Variants in PTPRN2 observed in about 807,000 individuals in gnomAD.
The protein encoded by PTPRN2 is receptor-type tyrosine-protein phosphatase N2.
PTPRN2 carries 74 observed loss-of-function variants against 118.8 expected under a neutral mutation model. The ratio of observed to expected loss-of-function variants is 0.62; its 90% CI spans 0.52 to 0.76. The LOEUF (loss-of-function observed/expected upper bound fraction) is 0.76. Among genes scored for constraint, PTPRN2 ranks in the 30% least tolerant of loss-of-function variants. PTPRN2 has a pLI of 0.00. For synonymous variants in PTPRN2, 641 were observed against 608.0 expected (o/e 1.05, Z -0.80); for missense variants, 1,481 against 1,394.4 (o/e 1.06, Z -0.99).
chr7:158,405,259 T>C (rs755496170), intron 2 of PTPRN2, among the ~76,000 whole-genome samples: 10 of 152,128 alleles, frequency 6.6e-5, no homozygotes, highest in African/African-American at 9.7e-5. Context: ...CCCTAGGATT[T>C]TGGGGTCCTA....
chr7:158,086,162 C>G (rs1813394624), intron 10 of PTPRN2, among the ~76,000 whole-genome samples: 1 of 152,146 alleles, frequency 6.6e-6, no homozygotes, highest in South Asian at 2.1e-4. Context: ...CTTAGAAATT[C>G]CAGGGGCCAA....
intron 15 of PTPRN2, among the ~76,000 whole-genome samples, chr7:157,604,851 C>T (rs1022383364): frequency 9.2e-5 from 14 of 152,170 alleles, no homozygotes; most frequent in African/African-American, 3.4e-4. Context: ...CTGGGATAAC[C>T]CCCATCCTGC....
intron 11 of PTPRN2, among the ~76,000 whole-genome samples, chr7:157,946,090 C>G (rs1800467806): frequency 6.6e-6 from 1 of 152,190 alleles, no homozygotes; most frequent in South Asian, 2.1e-4. Flanking sequence ...TGGTTTCAAA[C>G]TTCTCTTTCC....
chr7:157,937,889 C>A (rs1417438604), intron 11 of PTPRN2, among the ~76,000 whole-genome samples: 1 of 152,180 alleles, frequency 6.6e-6, no homozygotes, highest in African/African-American at 2.4e-5. Context: ...CCATTTGCAA[C>A]CCCTGTGATG....
intron 6 of PTPRN2, among the ~76,000 whole-genome samples, chr7:158,153,153 T>C (rs1015285466): frequency 6.6e-6 from 1 of 152,142 alleles, no homozygotes; most frequent in Admixed American, 6.5e-5. Flanking sequence ...GCCGGGGCAG[T>C]CTGAGGAGAG....
chr7:157,866,550 C>G (rs1413558386), intron 12 of PTPRN2, among the ~76,000 whole-genome samples: 1 of 152,098 alleles, frequency 6.6e-6, no homozygotes, highest in East Asian at 1.9e-4. Flanking sequence ...TCAGCCCTTG[C>G]CATGACAACC....
intron 3 of PTPRN2, among the ~76,000 whole-genome samples, chr7:158,240,792 T>C (rs1214145958): frequency 1.3e-5 from 2 of 152,224 alleles, no homozygotes; most frequent in Non-Finnish European, 2.9e-5. Context: ...GATCTTAATA[T>C]TGATTCAATG....
At chr7:158,561,890 T>C (rs1238303144) in intron 1 of PTPRN2, among the ~76,000 whole-genome samples, 1 of 151,864 alleles carries the variant, frequency 6.6e-6, no homozygotes, top group Non-Finnish European at 1.5e-5. Context: ...AACACCACAA[T>C]TTGGGTGAAG....
intron 3 of PTPRN2, among the ~76,000 whole-genome samples, chr7:158,219,588 TTGG>T (rs1335812991): frequency 7.9e-5 from 12 of 151,580 alleles, no homozygotes; most frequent in Non-Finnish European, 1.6e-4. Context: ...CTGAATGAAA[TTGG>T]GACACAAAAA....
chr7:158,164,135 A>C (rs1401266084), intron 6 of PTPRN2, among the ~76,000 whole-genome samples: 1 of 152,194 alleles, frequency 6.6e-6, no homozygotes, highest in African/African-American at 2.4e-5. Context: ...GAAGATCCAC[A>C]CCCTGGGGTG....
chr7:158,319,629 T>TCA (rs1335700209), intron 2 of PTPRN2, among the ~76,000 whole-genome samples: 12 of 9,420 alleles, frequency 1.3e-3, no homozygotes, highest in African/African-American at 3.2e-3. Context: ...ACAGCCTCCC[T>TCA]CACACACACA....
chr7:157,682,674 C>T (rs755258765), intron 13 of PTPRN2, 51 bp downstream of exon 13: 16 of 1,524,376 alleles, frequency 1.0e-5, no homozygotes, highest in South Asian at 6.7e-5. Flanking sequence ...CATCATCTGC[C>T]TGTTCAACAG....
intron 11 of PTPRN2, among the ~76,000 whole-genome samples, chr7:158,020,260 A>G (rs541547533): frequency 1.0e-3 from 157 of 152,326 alleles, no homozygotes; most frequent in African/African-American, 3.7e-3. Context: ...TTCAGCCAAC[A>G]CTACACATAC....
At chr7:157,921,497 G>T (rs1327902735) in intron 11 of PTPRN2, among the ~76,000 whole-genome samples, 3 of 152,244 alleles carry the variant, frequency 2.0e-5, no homozygotes, top group Non-Finnish European at 2.9e-5. Context: ...GCTGAAATTT[G>T]ATTACCATTG....
At chr7:158,234,727 A>T (rs1829416165) in intron 3 of PTPRN2, among the ~76,000 whole-genome samples, 1 of 152,242 alleles carries the variant, frequency 6.6e-6, no homozygotes, top group African/African-American at 2.4e-5. Flanking sequence ...ATACAAATCA[A>T]AATCACAATG....
intron 14 of PTPRN2, among the ~76,000 whole-genome samples, chr7:157,635,270 CAG>C (rs2150679801): frequency 6.6e-6 from 1 of 152,248 alleles, no homozygotes; most frequent in East Asian, 1.9e-4. Context: ...TGGATGAACT[CAG>C]GGTACAGGCA....
In PTPRN2 at chr7:157,724,005, G is replaced by A. The variant is rs143225103; in HGVS notation, c.1789-41068C>T. 3.3e-4 allele frequency among the ~76,000 whole-genome samples: 51 copies of A among 152,306 alleles called. 1 individual carries two copies. The highest frequency in any genetic ancestry group is 1.1e-3 in the African/African-American group (47 of 41,570). ...TTTAGGCTTCCCCCGTCTGAATCGC[G>A]CTGGTGTATCTGGAATTTAGGCTTC... On this transcript the variant is annotated intron_variant, in intron 12 of 22. Transcript: ENST00000389418.
chr7:157,893,445 C>A lies in PTPRN2; in HGVS notation c.1788+5228G>T, dbSNP rs774269752. On this transcript the variant is annotated intron_variant, in intron 12 of 22. Coordinates refer to ENST00000389418, the MANE Select transcript of PTPRN2 (RefSeq NM_002847.5). This position sits in a 1 kb window ranked among gnomAD's most constrained non-coding sequence, Gnocchi z 4.0. ...GGTGGGCATCAGGAGTGGGCAGAGG[C>A]CAATTCTTTCCAGAGTTAAATAGTC... 6.6e-6 allele frequency among the ~76,000 whole-genome samples: 1 copy of A among 152,196 alleles called. No individual in the cohort carries two copies. Among genetic ancestry groups the A allele is most frequent in the Non-Finnish European group, 1.5e-5 (1 of 68,034 alleles).
intron 12 of PTPRN2, among the ~76,000 whole-genome samples, chr7:157,805,808 C>T (rs2151105309): frequency 6.6e-6 from 1 of 152,322 alleles, no homozygotes; most frequent in African/African-American, 2.4e-5. Context: ...CAGGAGCCCC[C>T]ACCTTGGGGA....
Sources: gnomAD v4.1 joint callset for allele counts (sites outside exome capture counted in the v4.1 genomes callset) on GRCh38, gnomAD v4.1.1 for gene constraint, Gnocchi (gnomAD v3.1) non-coding constraint, MANE v1.5 for transcripts, NCBI Gene and HGNC (gene_info 2026-07-23, HGNC 2026-07-21) for gene names.